Variants in SAMD12 observed in about 807,000 individuals in gnomAD.
SAMD12 encodes the protein sterile alpha motif domain-containing protein 12.
SAMD12 carries 9 observed loss-of-function variants against 15.0 expected under a neutral mutation model. The observed-to-expected ratio is 0.60, with a 90% CI of 0.36 to 1.05. The LOEUF (loss-of-function observed/expected upper bound fraction) is 1.05. Among genes scored for constraint, SAMD12 ranks in the 50% least tolerant of loss-of-function variants. The pLI, the probability that SAMD12 is intolerant of heterozygous loss-of-function variation, is 0.01. For missense variants in SAMD12, 230 were observed against 234.2 expected, an observed-to-expected ratio of 0.98 and a Z score of 0.12; for synonymous variants, 86 against 90.1, an observed-to-expected ratio of 0.96 and a Z score of 0.25.
chr8:118,320,678 G>GGGC (rs1554631050), intron 4 of SAMD12, among the ~76,000 whole-genome samples: 1 of 147,368 alleles, frequency 6.8e-6, no homozygotes, highest in African/African-American at 2.5e-5. Flanking sequence ...GGGGTGGGGG[G>GGGC]GGTGGGGAGG....
At chr8:118,144,669 C>A in the SAMD12 span, among the ~76,000 whole-genome samples, 1 of 150,396 alleles carries the variant, frequency 6.6e-6, no homozygotes, top group African/African-American at 2.5e-5. Flanking sequence ...AGAACAAAAG[C>A]AAGGAAGGTG....
intron 4 of SAMD12, among the ~76,000 whole-genome samples, chr8:118,216,055 G>A (rs941018411): frequency 1.7e-4 from 26 of 151,896 alleles, no homozygotes; most frequent in African/African-American, 6.3e-4. Context: ...CTTCCACAAT[G>A]GTTGAACTAG....
At position 118,378,680 on chromosome 8, in the gene SAMD12, ATT is replaced by A; in HGVS notation, c.*735_*736del. On this transcript the variant is annotated 3_prime_UTR_variant, in exon 4 of 4. Transcript: ENST00000314727. Reference sequence around the variant, plus strand: ...ATACTCAAGGCTCTCAAAAACACATATTTTATCATCCTTTCATTTAAAACGAT... The same window carrying A: ...ATACTCAAGGCTCTCAAAAACACATATTATCATCCTTTCATTTAAAACGAT... The A allele has an allele frequency of 1.0e-6, 1 of 984,870 alleles. No individual in the cohort carries two copies. Among genetic ancestry groups the A allele is most frequent in the Non-Finnish European group, 1.2e-6 (1 of 829,444 alleles). The allele number at this position is 984,870 out of a possible 1,614,324, so 61.0% of individuals were successfully genotyped here.
chr8:118,262,472 T>C (rs932251946), intron 4 of SAMD12, among the ~76,000 whole-genome samples: 2 of 152,122 alleles, frequency 1.3e-5, no homozygotes, highest in Non-Finnish European at 2.9e-5. Flanking sequence ...AATGTTACCC[T>C]GCACCTAATA....
rs1828418370 is a variant in SAMD12, at chr8:118,621,841, G to T, written c.-25C>A. 6.2e-7 allele frequency: 1 copy of T among 1,613,716 alleles called. No individual in the cohort carries two copies. The highest frequency in any genetic ancestry group is 8.5e-7 in the Non-Finnish European group (1 of 1,179,620). On this transcript the variant is annotated 5_prime_UTR_variant, in exon 1 of 4. Transcript: ENST00000314727. ...TTCTCTCAGAGCTTCCCTAACGCAT[G>T]CATAATTTTCTTGGCCGAGGTACTC...
chr8:118,333,163 G>A (rs1816883173), intron 4 of SAMD12, among the ~76,000 whole-genome samples: 1 of 152,162 alleles, frequency 6.6e-6, no homozygotes, highest in Non-Finnish European at 1.5e-5. Flanking sequence ...ATATTTTCCT[G>A]GTGGGAGAGA....
chr8:118,198,399 C>T (rs1221706420), intron 4 of SAMD12, among the ~76,000 whole-genome samples: 1 of 151,950 alleles, frequency 6.6e-6, no homozygotes, highest in African/African-American at 2.4e-5. Flanking sequence ...TCTAAAGTTC[C>T]CGTTATTTTA....
the SAMD12 span, among the ~76,000 whole-genome samples, chr8:118,135,348 A>C: frequency 6.6e-6 from 1 of 151,948 alleles, no homozygotes; most frequent in East Asian, 1.9e-4. Context: ...TGTCTGGCTA[A>C]TTTTTGTATT....
At chr8:118,514,776 C>T (rs114875109) in intron 2 of SAMD12, among the ~76,000 whole-genome samples, 461 of 152,264 alleles carry the variant, frequency 3.0e-3, no homozygotes, top group African/African-American at 0.011. Context: ...GGGAAAACAG[C>T]GTTAGTAAAA....
chr8:118,186,029 C>A (rs1819237620), downstream of SAMD12, among the ~76,000 whole-genome samples: 1 of 152,124 alleles, frequency 6.6e-6, no homozygotes. Context: ...AATTGGTATT[C>A]TCTGGGGGAA....
chr8:118,450,810 A>G (rs1457939068), intron 2 of SAMD12, among the ~76,000 whole-genome samples: 4 of 152,092 alleles, frequency 2.6e-5, no homozygotes, highest in Admixed American at 1.3e-4. Flanking sequence ...AGAGGTGGTG[A>G]TGGGCCAGGT....
intron 2 of SAMD12, among the ~76,000 whole-genome samples, chr8:118,476,179 T>C (rs1270916214): frequency 2.0e-5 from 3 of 152,136 alleles, no homozygotes; most frequent in African/African-American, 4.8e-5. Context: ...GTCAAAACAT[T>C]TCCCCAGACT....
At chr8:118,191,723 C>T (rs1194877922) in exon 5 of SAMD12, 1 of 124,478 alleles carries the variant, frequency 8.0e-6, no homozygotes, top group African/African-American at 3.0e-5. Flanking sequence ...ACGCTAAATG[C>T]ACTAAATTGT....
chr8:118,570,549 T>C (rs1826979990), intron 2 of SAMD12, among the ~76,000 whole-genome samples: 1 of 152,368 alleles, frequency 6.6e-6, no homozygotes, highest in East Asian at 1.9e-4. Flanking sequence ...CTCATTCTTT[T>C]ATACGGCTGC....
intron 4 of SAMD12, among the ~76,000 whole-genome samples, chr8:118,207,486 A>G (rs1478129571): frequency 6.6e-6 from 1 of 152,142 alleles, no homozygotes; most frequent in Non-Finnish European, 1.5e-5. Context: ...ACTGGCACAA[A>G]ACAGCATAAA....
chr8:118,556,911 C>A (rs1227390747), intron 2 of SAMD12, among the ~76,000 whole-genome samples: 1 of 151,744 alleles, frequency 6.6e-6, no homozygotes, highest in Non-Finnish European at 1.5e-5. Context: ...TTGCAGTGAG[C>A]CGAGATCATG....
the SAMD12 span, among the ~76,000 whole-genome samples, chr8:118,136,906 C>T: frequency 6.6e-6 from 1 of 152,210 alleles, no homozygotes; most frequent in South Asian, 2.1e-4. Flanking sequence ...TCTTCTTCCT[C>T]CCCCATTTCT....
At chr8:118,184,092 A>G in the SAMD12 span, among the ~76,000 whole-genome samples, 2 of 152,186 alleles carry the variant, frequency 1.3e-5, no homozygotes, top group Non-Finnish European at 2.9e-5. Flanking sequence ...AAATTAAATC[A>G]TATTTCAGAG....
chr8:118,449,289 G>C (rs7826888), intron 2 of SAMD12, among the ~76,000 whole-genome samples: 108,743 of 151,446 alleles, frequency 0.72, 39,334 homozygotes, highest in African/African-American at 0.8. Flanking sequence ...TCTCGAACTC[G>C]TGACCTCGTG....
Sources: gnomAD v4.1 joint callset for allele counts (sites outside exome capture counted in the v4.1 genomes callset) on GRCh38, gnomAD v4.1.1 for gene constraint, MANE v1.5 for transcripts, NCBI Gene and HGNC (gene_info 2026-07-23, HGNC 2026-07-21) for gene names.